FHIT: variants seen among roughly 807,000 people sequenced by gnomAD.
The protein encoded by FHIT is fragile histidine triad diadenosine triphosphatase.
In FHIT, 19 loss-of-function variants were observed where a neutral mutation model predicts 17.9. The observed-to-expected ratio is 1.06, with a 90% confidence interval of 0.74 to 1.56. The LOEUF is 1.56. Ranked by LOEUF, FHIT falls within the 40% of genes most tolerant of loss-of-function variation. The pLI is 0.00. For synonymous variants in FHIT, 81 were observed against 69.7 expected, an observed-to-expected ratio of 1.16 and a Z score of -0.81; for missense variants, 248 against 189.2, an observed-to-expected ratio of 1.31 and a Z score of -1.82.
rs3046704 is a variant in FHIT, at chr3:60,850,323, TTCTCTCTCTCTCTCTCTCTC to T, written c.-110-28332_-110-28313del. On this transcript the variant is annotated intron_variant, in intron 3 of 9. Transcript: ENST00000492590. ...CATGTTAGGGCCTTTGTGTCTGCAC[TTCTCTCTCTCTCTCTCTCTC>T]TCTCTCTCTCTCTCTCTCTCTCTCA... Among the ~76,000 whole-genome samples the T allele has an allele frequency of 8.6e-4, 104 of 120,244 alleles. No homozygotes were observed. The Middle Eastern group carries it at 0.034, about 40-fold the overall frequency. 78.9% of individuals were successfully genotyped at this position (120,244 alleles called of 152,430 possible).
intron 8 of FHIT, among the ~76,000 whole-genome samples, chr3:59,875,101 G>T (rs965766690): frequency 6.6e-6 from 1 of 152,188 alleles, no homozygotes; most frequent in Non-Finnish European, 1.5e-5. Context: ...TATTCTTTCT[G>T]CTTTGTTTCC....
intron 7 of FHIT, among the ~76,000 whole-genome samples, chr3:59,981,563 C>T (rs73106547): frequency 0.096 from 14,651 of 152,088 alleles, 886 homozygotes; most frequent in Admixed American, 0.13. Flanking sequence ...GCCACATTAC[C>T]GAACCTATAG....
At chr3:59,909,647 C>T (rs1306853522) in intron 8 of FHIT, among the ~76,000 whole-genome samples, 2 of 152,112 alleles carry the variant, frequency 1.3e-5, no homozygotes, top group African/African-American at 2.4e-5. Flanking sequence ...AAAAAAGTCA[C>T]CTCTTTGGGT....
intron 4 of FHIT, among the ~76,000 whole-genome samples, chr3:60,673,665 C>T (rs1198889471): frequency 6.6e-6 from 1 of 151,994 alleles, no homozygotes; most frequent in Non-Finnish European, 1.5e-5. Context: ...ATCCTGCACA[C>T]GTTTCCCAGA....
intron 3 of FHIT, among the ~76,000 whole-genome samples, chr3:60,915,449 T>C (rs1190561411): frequency 6.6e-6 from 1 of 152,192 alleles, no homozygotes; most frequent in Non-Finnish European, 1.5e-5. Flanking sequence ...ACTGAGCCTA[T>C]AATTTCAGAG....
intron 8 of FHIT, among the ~76,000 whole-genome samples, chr3:59,841,697 G>A (rs1273532686): frequency 6.6e-6 from 1 of 151,908 alleles, no homozygotes; most frequent in Non-Finnish European, 1.5e-5. Flanking sequence ...CATGACACAC[G>A]GGTGTACTGA....
chr3:60,993,786 T>C (rs569511997), intron 3 of FHIT, among the ~76,000 whole-genome samples: 89 of 152,346 alleles, frequency 5.8e-4, no homozygotes, highest in Non-Finnish European at 1.1e-3. Context: ...CATTGGTTTG[T>C]AGGAGGAGGT....
intron 5 of FHIT, among the ~76,000 whole-genome samples, chr3:60,208,660 A>T (rs937364014): frequency 2.0e-5 from 3 of 152,194 alleles, no homozygotes; most frequent in African/African-American, 7.2e-5. Context: ...AGCATTGGTT[A>T]TTATTTTCTA....
intron 5 of FHIT, among the ~76,000 whole-genome samples, chr3:60,031,499 A>T (rs1412031541): frequency 1.3e-5 from 2 of 152,192 alleles, no homozygotes; most frequent in African/African-American, 4.8e-5. Flanking sequence ...TTCCAATTCC[A>T]TTTTTGCCAC....
chr3:61,042,626 G>A (rs947000332), intron 2 of FHIT, among the ~76,000 whole-genome samples: 4 of 152,048 alleles, frequency 2.6e-5, no homozygotes, highest in African/African-American at 9.7e-5. Flanking sequence ...ATCACTCGAG[G>A]TCAGCCGTTC....
At chr3:60,582,156 G>A (rs1445744760) in intron 4 of FHIT, among the ~76,000 whole-genome samples, 1 of 152,012 alleles carries the variant, frequency 6.6e-6, no homozygotes, top group African/African-American at 2.4e-5. Context: ...TAGAGATTCT[G>A]ATTTATTTGG....
At chr3:60,972,915 C>T (rs891349755) in intron 3 of FHIT, among the ~76,000 whole-genome samples, 3 of 152,046 alleles carry the variant, frequency 2.0e-5, no homozygotes, top group South Asian at 2.1e-4. Flanking sequence ...CATTTGATTC[C>T]TTTCATAGGA....
chr3:59,787,562 A>G (rs184406412), intron 8 of FHIT, among the ~76,000 whole-genome samples: 1 of 151,800 alleles, frequency 6.6e-6, no homozygotes, highest in East Asian at 1.9e-4. Context: ...TGAAAAGTAA[A>G]ATGCCATTTT....
chr3:60,310,961 TTAAAAC>T (rs1708916612), intron 5 of FHIT, among the ~76,000 whole-genome samples: 1 of 152,140 alleles, frequency 6.6e-6, no homozygotes, highest in African/African-American at 2.4e-5. Flanking sequence ...CGCATACTTC[TTAAAAC>T]TAAAACTAAA....
At chr3:60,062,449 A>T (rs1702331445) in intron 5 of FHIT, among the ~76,000 whole-genome samples, 1 of 152,210 alleles carries the variant, frequency 6.6e-6, no homozygotes, top group Non-Finnish European at 1.5e-5. Flanking sequence ...CATTTCCAAC[A>T]TTTAAAACAA....
intron 1 of FHIT, among the ~76,000 whole-genome samples, chr3:61,228,766 G>A (rs2040028773): frequency 1.3e-5 from 2 of 152,282 alleles, no homozygotes; most frequent in South Asian, 2.1e-4. Flanking sequence ...GAGAGGTTCT[G>A]AACTTCACAT....
At chr3:59,838,797 G>A (rs1701427271) in intron 8 of FHIT, among the ~76,000 whole-genome samples, 1 of 152,076 alleles carries the variant, frequency 6.6e-6, no homozygotes, top group South Asian at 2.1e-4. Context: ...TTTTTTTCCA[G>A]TCTTCCTGTG....
intron 3 of FHIT, among the ~76,000 whole-genome samples, chr3:60,980,995 C>A (rs565919831): frequency 1.1e-3 from 160 of 152,320 alleles, no homozygotes; most frequent in African/African-American, 3.8e-3. Flanking sequence ...CTGCTGAGGG[C>A]CTCCCTCTTG....
chr3:60,240,863 A>C (rs747922041), intron 5 of FHIT, among the ~76,000 whole-genome samples: 3 of 152,126 alleles, frequency 2.0e-5, no homozygotes, highest in African/African-American at 7.2e-5. Flanking sequence ...ATAAACCAGG[A>C]AATAGGGAAT....
Sources: gnomAD v4.1 joint callset for allele counts (sites outside exome capture counted in the v4.1 genomes callset) on GRCh38, gnomAD v4.1.1 for gene constraint, MANE v1.5 for transcripts, NCBI Gene and HGNC (gene_info 2026-07-23, HGNC 2026-07-21) for gene names.